Variants in RPGRIP1L observed in about 807,000 individuals in gnomAD.
RPGRIP1L encodes protein fantom.
In RPGRIP1L, 131 loss-of-function variants were observed where a neutral mutation model predicts 160.4. The ratio of observed to expected loss-of-function variants is 0.82; its 90% CI spans 0.71 to 0.94. The LOEUF (loss-of-function observed/expected upper bound fraction) is 0.94. Ranked by LOEUF, RPGRIP1L falls within the 40% of genes least tolerant of loss-of-function variation. The pLI, the probability that RPGRIP1L is intolerant of heterozygous loss-of-function variation, is 0.00. For synonymous variants in RPGRIP1L, 510 were observed against 515.8 expected (o/e 0.99, Z 0.15); for missense variants, 1,522 against 1,535.8 (o/e 0.99, Z 0.15).
chr16:53,697,536 AT>A (rs1374697573), intron 2 of RPGRIP1L, among the ~76,000 whole-genome samples: 5 of 151,540 alleles, frequency 3.3e-5, no homozygotes, highest in Non-Finnish European at 1.5e-5. Context: ...TGGTTTTCGT[AT>A]TTTTTTGGTG....
Position 53,641,025 on chromosome 16 carries a change from C to A in RPGRIP1L, c.2958+8G>T. On this transcript the variant is annotated splice_region_variant and intron_variant, in intron 19 of 26. Transcript: ENST00000647211. ...AAAAAATCAGTATTTTCAGTGTCTA[C>A]TACTTACATCACTCTGATGTGGCAT... 6.3e-7 allele frequency: 1 copy of A among 1,584,222 alleles called. No individual in the cohort carries two copies. Among genetic ancestry groups the A allele is most frequent in the Non-Finnish European group, 8.7e-7 (1 of 1,152,840 alleles).
At chr16:53,611,098 T>C in intron 24 of RPGRIP1L, 47 bp from the exon 25 acceptor site, 1 of 1,201,924 alleles carries the variant, frequency 8.3e-7, no homozygotes, top group Non-Finnish European at 1.2e-6. Context: ...CACTCAGGAA[T>C]AGGCTACATT....
intron 22 of RPGRIP1L, among the ~76,000 whole-genome samples, chr16:53,634,558 C>T (rs1362149569): frequency 6.6e-6 from 1 of 152,098 alleles, no homozygotes; most frequent in Non-Finnish European, 1.5e-5. Context: ...GTGTTTGGGT[C>T]ATGGGAGCAA....
rs987065623 is a variant in RPGRIP1L, at chr16:53,601,822, T to TTTTGC, written c.*253_*254insGCAAA. 3.2e-5 allele frequency: 14 copies of TTTTGC among 431,770 alleles called. No individual in the cohort carries two copies. The highest frequency in any genetic ancestry group is 5.5e-5 in the Non-Finnish European group (13 of 234,720). The allele number at this position is 431,770 out of a possible 1,614,324, so 26.7% of individuals were successfully genotyped here. A position where few individuals can be genotyped will look rare whatever the true frequency, so the allele number is the denominator to read the frequency against. On this transcript the variant is annotated 3_prime_UTR_variant, in exon 27 of 27. Transcript: ENST00000647211. ...ACTTTCTCACGCTATCACGTAGGTA[T>TTTTGC]AAATTATTGAGAAGGTACTGCCCAT...
At chr16:53,645,561 A>C in intron 17 of RPGRIP1L, 64 bp downstream of exon 17, 1 of 1,470,974 alleles carries the variant, frequency 6.8e-7, no homozygotes, top group Admixed American at 1.9e-5. Context: ...AATCATATCC[A>C]TAACACTAAG....
intron 22 of RPGRIP1L, among the ~76,000 whole-genome samples, chr16:53,624,966 G>A (rs892658782): frequency 2.6e-5 from 4 of 152,098 alleles, no homozygotes; most frequent in South Asian, 2.1e-4. Context: ...GGGTTTGGCC[G>A]TGTTGGCCAG....
intron 2 of RPGRIP1L, among the ~76,000 whole-genome samples, chr16:53,699,486 G>C (rs1426589046): frequency 6.6e-6 from 1 of 151,048 alleles, no homozygotes; most frequent in African/African-American, 2.4e-5. Context: ...ACAACTGATA[G>C]AGACTAAGGT....
At chr16:53,685,415 T>A (rs562030458) in intron 6 of RPGRIP1L, among the ~76,000 whole-genome samples, 6 of 152,190 alleles carry the variant, frequency 3.9e-5, no homozygotes, top group East Asian at 3.8e-4. Context: ...CGTATGTTCA[T>A]TGAGTACCAG....
Position 53,600,606 on chromosome 16 carries a change from T to C in RPGRIP1L, c.*1470A>G, listed in dbSNP as rs1034091513. ...AGCCTTCTAAAGACGAGAGTCATTA[T>C]TGAAGCCATTAGAGCACAGATGGTT... On this transcript the variant is annotated 3_prime_UTR_variant, in exon 27 of 27. Transcript: ENST00000647211. The C allele has an allele frequency of 1.3e-5, 2 of 152,672 alleles. No individual in the cohort carries two copies. The highest frequency in any genetic ancestry group is 2.4e-5 in the African/African-American group (1 of 41,474). 9.5% of individuals were successfully genotyped at this position (152,672 alleles called of 1,614,324 possible). A position where few individuals can be genotyped will look rare whatever the true frequency, so the allele number is the denominator to read the frequency against.
chr16:53,631,546 A>C (rs1965519876), intron 22 of RPGRIP1L, among the ~76,000 whole-genome samples: 1 of 152,216 alleles, frequency 6.6e-6, no homozygotes, highest in Non-Finnish European at 1.5e-5. Context: ...ATGGATTGTT[A>C]ATTTTTTTTA....
chr16:53,602,775 GAA>G (rs398029414), intron 26 of RPGRIP1L, among the ~76,000 whole-genome samples: 3 of 133,098 alleles, frequency 2.3e-5, no homozygotes, highest in Admixed American at 7.4e-5. Flanking sequence ...ACTCCTCAAA[GAA>G]AAAAAAAAAA....
Position 53,645,618 on chromosome 16 carries a change from G to A in RPGRIP1L, c.2683+7C>T, listed in dbSNP as rs768922800. 1.4e-5 allele frequency: 23 copies of A among 1,611,720 alleles called. No homozygotes were observed. In the African/African-American group the frequency reaches 2.7e-4, roughly 19 times the overall value. On this transcript the variant is annotated splice_region_variant and intron_variant, in intron 17 of 26. Coordinates refer to ENST00000647211, the MANE Select transcript of RPGRIP1L (RefSeq NM_015272.5). ...ACAATTTTATAGATTCAAAAACATA[G>A]GCTTACCTGAGATACACCTGTCATG...
At chr16:53,664,629 A>G (rs1567855737) in intron 10 of RPGRIP1L, among the ~76,000 whole-genome samples, 1 of 152,278 alleles carries the variant, frequency 6.6e-6, no homozygotes, top group East Asian at 1.9e-4. Flanking sequence ...AAAATTGAAC[A>G]ATTAAAAACA....
Position 53,625,568 on chromosome 16 carries a change from G to C in RPGRIP1L, c.3295-3212C>G, listed in dbSNP as rs1598264059. ...CAGCCACCCCGTCTTGGGGGTGGGGGGGCCCCTCTGCCCAGCCGCCATGTC... is the reference window on the plus strand; with the variant it reads ...CAGCCACCCCGTCTTGGGGGTGGGGCGGCCCCTCTGCCCAGCCGCCATGTC... On this transcript the variant is annotated intron_variant, in intron 22 of 26. Transcript: ENST00000647211. Among the ~76,000 whole-genome samples the C allele has an allele frequency of 1.1e-4, 17 of 151,372 alleles. 1 individual carries two copies. In the South Asian group the frequency reaches 3.6e-3, roughly 32 times the overall value.
At chr16:53,697,488 A>T (rs2151386411) in intron 2 of RPGRIP1L, among the ~76,000 whole-genome samples, 1 of 152,190 alleles carries the variant, frequency 6.6e-6, no homozygotes, top group Non-Finnish European at 1.5e-5. Flanking sequence ...CAGCCTGCCG[A>T]GTGCCTGCGA....
intron 25 of RPGRIP1L, among the ~76,000 whole-genome samples, chr16:53,609,804 T>C (rs1963914250): frequency 6.6e-6 from 1 of 152,102 alleles, no homozygotes; most frequent in South Asian, 2.1e-4. Flanking sequence ...ATTACCATCC[T>C]GGGAAAAGTA....
chr16:53,649,160 T>G, intron 15 of RPGRIP1L, 45 bp from the exon 16 acceptor site: 1 of 1,525,120 alleles, frequency 6.6e-7, no homozygotes, highest in Non-Finnish European at 9.1e-7. Context: ...TTTCATACAT[T>G]AAAATAGATA....
At chr16:53,673,043 A>G (rs1035973871) in intron 7 of RPGRIP1L, 27 bp from the exon 8 acceptor site, 33 of 1,599,712 alleles carry the variant, frequency 2.1e-5, no homozygotes, top group Non-Finnish European at 2.6e-5. Context: ...ACATCTTTCA[A>G]ACATTATTTT....
chr16:53,623,443 T>C (rs558639804), intron 22 of RPGRIP1L, among the ~76,000 whole-genome samples: 1 of 152,358 alleles, frequency 6.6e-6, no homozygotes, highest in Non-Finnish European at 1.5e-5. Context: ...CTCCTTATTG[T>C]AGCAGAATTC....
Sources: gnomAD v4.1 joint callset for allele counts (sites outside exome capture counted in the v4.1 genomes callset) on GRCh38, gnomAD v4.1.1 for gene constraint, MANE v1.5 for transcripts, NCBI Gene and HGNC (gene_info 2026-07-23, HGNC 2026-07-21) for gene names.